Variants in TTF2 observed in about 807,000 individuals in gnomAD.
TTF2 encodes the protein transcription termination factor 2, also known as RNA polymerase II termination factor.
In TTF2, 108 loss-of-function variants were observed where a neutral mutation model predicts 142.4. That is an observed-to-expected ratio of 0.76 (90% CI 0.65 to 0.89). TTF2 has a LOEUF of 0.89. TTF2 is among the 40% of genes least tolerant of loss of function. The probability of loss-of-function intolerance (pLI) is 0.00; values close to 1 mark genes in which losing one functional copy is unlikely to be tolerated. For synonymous variants in TTF2, 483 were observed against 506.2 expected, an observed-to-expected ratio of 0.95 and a Z score of 0.61; for missense variants, 1,327 against 1,379.8, an observed-to-expected ratio of 0.96 and a Z score of 0.61.
Position 117,086,327 on chromosome 1 carries a change from T to C in TTF2, c.2055-90T>C. 1.1e-6 allele frequency: 1 copy of C among 873,230 alleles called. No homozygotes were observed. Among genetic ancestry groups the C allele is most frequent in the South Asian group, 1.5e-5 (1 of 66,320 alleles). 54.1% of individuals were successfully genotyped at this position (873,230 alleles called of 1,614,324 possible). A position where few individuals can be genotyped will look rare whatever the true frequency, so the allele number is the denominator to read the frequency against. On this transcript the variant is annotated intron_variant, in intron 11 of 22. Transcript: ENST00000369466. This position sits in a 1 kb window ranked among gnomAD's most constrained non-coding sequence, Gnocchi z 4.2. The stretch of plus-strand genomic sequence containing the variant: ...GTTCTGCTGTTTGTCCTTCCATTTG[T>C]AGGCATTTTTATTGAAAGATCAACT...
chr1:117,082,509 G>A (rs950255946), intron 10 of TTF2, among the ~76,000 whole-genome samples: 3 of 152,050 alleles, frequency 2.0e-5, no homozygotes, highest in African/African-American at 4.8e-5. Flanking sequence ...CACCATGCCT[G>A]GCCAATAATT....
chr1:117,067,482 A>C (rs1188943550), intron 3 of TTF2, among the ~76,000 whole-genome samples: 1 of 149,784 alleles, frequency 6.7e-6, no homozygotes, highest in East Asian at 2.0e-4. Context: ...CCAAGATCAC[A>C]TCATTACACT....
chr1:117,082,492 T>G (rs1449902985), intron 10 of TTF2, among the ~76,000 whole-genome samples: 1 of 152,154 alleles, frequency 6.6e-6, no homozygotes, highest in African/African-American at 2.4e-5. Flanking sequence ...GGATTATAGG[T>G]GTGACCCACC....
Position 117,101,305 on chromosome 1 carries a change from A to G in TTF2, c.3345-75A>G. On this transcript the variant is annotated intron_variant, in intron 22 of 22. Transcript: ENST00000369466. This position sits in a 1 kb window ranked among gnomAD's most constrained non-coding sequence, Gnocchi z 5.9. ...TCTCATTAAAAATGAAAGCATAATA[A>G]AAGTTTGAATATATTATTAGATGTG... The G allele has an allele frequency of 7.1e-7, 1 of 1,401,748 alleles. No homozygotes were observed. Among genetic ancestry groups the G allele is most frequent in the Non-Finnish European group, 9.5e-7 (1 of 1,050,846 alleles). The allele number at this position is 1,401,748 out of a possible 1,614,324, so 86.8% of individuals were successfully genotyped here.
intron 13 of TTF2, 116 bp downstream of exon 13, chr1:117,089,098 C>T: frequency 9.1e-7 from 1 of 1,096,170 alleles, no homozygotes. Flanking sequence ...TAGGAGATGG[C>T]AGGCCTGTCA....
rs144790742 is a variant in TTF2, at chr1:117,098,469, C to T, written c.3270-364C>T. 3.7e-3 allele frequency: 582 copies of T among 157,904 alleles called. 2 individuals carry two copies. Among genetic ancestry groups the T allele is most frequent in the African/African-American group, 0.013 (555 of 41,678 alleles). The allele number at this position is 157,904 out of a possible 1,614,324, so 9.8% of individuals were successfully genotyped here. A position where few individuals can be genotyped will look rare whatever the true frequency, so the allele number is the denominator to read the frequency against. On this transcript the variant is annotated intron_variant, in intron 21 of 22. Transcript: ENST00000369466. ...GACCAGACCTGAGTTTTGGTTTCAC[C>T]TCTGTTACTTAAGAGTTGTCAACTG...
At position 117,060,338 on chromosome 1, in the gene TTF2, C is replaced by A. The variant is rs2244501; in HGVS notation, c.-9C>A. 1,332,408 of 1,593,832 alleles carry A rather than the reference C, an allele frequency of 0.84. 563,510 individuals are homozygous for A. The highest frequency in any genetic ancestry group is 0.87 in the Admixed American group (48,775 of 56,188). ...GCGGGGCTTTGTGGAACTTGGGGGACCCAGCGAAATGGAAGAAGTTAGGTG... is the reference window on the plus strand; with the variant it reads ...GCGGGGCTTTGTGGAACTTGGGGGAACCAGCGAAATGGAAGAAGTTAGGTG... On this transcript the variant is annotated 5_prime_UTR_variant, in exon 1 of 23. Transcript: ENST00000369466.
chr1:117,073,745 G>A lies in TTF2; in HGVS notation c.285+18G>A, dbSNP rs1362012354. 1 of 1,610,110 alleles carries A rather than the reference G, an allele frequency of 6.2e-7. No individual in the cohort carries two copies. The highest frequency in any genetic ancestry group is 2.2e-5 in the East Asian group (1 of 44,808). On this transcript the variant is annotated intron_variant, in intron 4 of 22. Transcript: ENST00000369466. This position sits in a 1 kb window ranked among gnomAD's most constrained non-coding sequence, Gnocchi z 4.4. ...CATGGCAGGTAGGAATTATTCATCT[G>A]TTTTCAAACCTGCTGTGTTAAGACT...
At chr1:117,072,778 C>T (rs1656703466) in intron 3 of TTF2, among the ~76,000 whole-genome samples, 1 of 152,070 alleles carries the variant, frequency 6.6e-6, no homozygotes, top group Non-Finnish European at 1.5e-5. Context: ...GGGAGTCTTG[C>T]TGTGTTGCCC....
At chr1:117,068,936 A>T (rs987085437) in intron 3 of TTF2, among the ~76,000 whole-genome samples, 16 of 152,338 alleles carry the variant, frequency 1.1e-4, no homozygotes, top group African/African-American at 3.8e-4. Flanking sequence ...TTTTTGTCTT[A>T]CAATTTTGCT....
chr1:117,097,517 A>T lies in TTF2; in HGVS notation c.3269+84A>T. ...CAGGGGCAGCAAGAACTGACTTCTT[A>T]TGTTGATTGCTGTGTTCGTATTGCA... On this transcript the variant is annotated intron_variant, in intron 21 of 22. Transcript: ENST00000369466. This position sits in a 1 kb window ranked among gnomAD's most constrained non-coding sequence, Gnocchi z 4.1. The T allele has an allele frequency of 8.2e-7, 1 of 1,217,614 alleles. No individual in the cohort carries two copies. The highest frequency in any genetic ancestry group is 1.2e-6 in the Non-Finnish European group (1 of 819,102). The allele number at this position is 1,217,614 out of a possible 1,614,324, so 75.4% of individuals were successfully genotyped here.
At chr1:117,095,607 A>G (rs1461176864) in intron 19 of TTF2, among the ~76,000 whole-genome samples, 1 of 151,472 alleles carries the variant, frequency 6.6e-6, no homozygotes, top group Non-Finnish European at 1.5e-5. Flanking sequence ...AAGCATATAA[A>G]GAAAAGCAAG....
chr1:117,075,663 T>G lies in TTF2; in HGVS notation c.1079T>G (p.Val360Gly). The G allele has an allele frequency of 6.2e-7, 1 of 1,614,148 alleles. No homozygotes were observed. Among genetic ancestry groups the G allele is most frequent in the East Asian group, 2.2e-5 (1 of 44,866 alleles). ...SSDDEEEDDV[V>G]FVSSKPGSPL... ...GACGACGAGGAGGAAGATGATGTTG[T>G]TTTTGTTTCCTCTAAGCCTGGGAGC... Residue 360 changes from valine to glycine, a missense_variant, in exon 5 of 23, where the codon GTT (valine) becomes GGT (glycine). Transcript: ENST00000369466. The surrounding 1 kb of genome is among the most constrained non-coding windows in gnomAD (Gnocchi z 4.5).
At position 117,103,821 on chromosome 1, in the gene TTF2, C is replaced by T. The variant is rs944129567; in HGVS notation, c.*2297C>T. 2 of 152,442 alleles carry T rather than the reference C, an allele frequency of 1.3e-5. No homozygotes were observed. The highest frequency in any genetic ancestry group is 1.5e-5 in the Non-Finnish European group (1 of 68,290). 9.4% of individuals were successfully genotyped at this position (152,442 alleles called of 1,614,324 possible). A position where few individuals can be genotyped will look rare whatever the true frequency, so the allele number is the denominator to read the frequency against. On this transcript the variant is annotated 3_prime_UTR_variant, in exon 23 of 23. Transcript: ENST00000369466. Reference sequence around the variant, plus strand: ...TACAAAAATTAGCTGAGCGTGGTGGCGTGCGCCTGTAGTCCCAGCTACTGG... The same window carrying T: ...TACAAAAATTAGCTGAGCGTGGTGGTGTGCGCCTGTAGTCCCAGCTACTGG...
intron 20 of TTF2, among the ~76,000 whole-genome samples, chr1:117,096,784 A>G (rs763156875): frequency 2.0e-5 from 3 of 152,270 alleles, no homozygotes; most frequent in Non-Finnish European, 4.4e-5. Flanking sequence ...AAAGAGCACA[A>G]ATATTCTAAA....
At chr1:117,062,321 T>A in intron 2 of TTF2, 66 bp from the exon 3 acceptor site, 1 of 1,470,774 alleles carries the variant, frequency 6.8e-7, no homozygotes, top group Non-Finnish European at 9.4e-7. Flanking sequence ...TAGTTTTGAT[T>A]TGACTTTAGG....
chr1:117,072,494 G>A (rs891988097), intron 3 of TTF2, among the ~76,000 whole-genome samples: 1 of 137,440 alleles, frequency 7.3e-6, no homozygotes, highest in Non-Finnish European at 1.5e-5. Context: ...GTGCAATCTC[G>A]GCTCACTGCA....
rs995956804 is a variant in TTF2 at position 117,101,708 on chromosome 1, A to G, written c.*184A>G. 2.0e-5 allele frequency: 10 copies of G among 505,030 alleles called. No homozygotes were observed. In the South Asian group the frequency reaches 6.1e-4, roughly 31 times the overall value. The allele number at this position is 505,030 out of a possible 1,614,324, so 31.3% of individuals were successfully genotyped here. On this transcript the variant is annotated 3_prime_UTR_variant, in exon 23 of 23. Coordinates refer to ENST00000369466, the MANE Select transcript of TTF2 (RefSeq NM_003594.4). The surrounding 1 kb of genome is among the most constrained non-coding windows in gnomAD (Gnocchi z 5.9). ...AATTGAGGAGGGGTTGTGTTAACCA[A>G]TTAGTTAACCAATTATGTTAATAAT... is the stretch of plus-strand genomic sequence containing the variant.
Position 117,073,717 on chromosome 1 carries a change from T to G in TTF2, c.275T>G (p.Ile92Ser), listed in dbSNP as rs150881905. The change falls in exon 4 of 23, where the codon ATT (isoleucine) becomes AGT (serine). Residue 92 changes from isoleucine to serine, a missense_variant. Physicochemically the swap from Ile to Ser is moderately radical, Grantham distance 142. Transcript: ENST00000369466. The surrounding 1 kb of genome is among the most constrained non-coding windows in gnomAD (Gnocchi z 4.4). ...GAGGGGAAACGCTGGTGTGGAAGTA[T>G]TCCATGGCAGGTAGGAATTATTCAT... is the stretch of plus-strand genomic sequence containing the variant. ...KAEGKRWCGSIPWQDPDSKEH... is the reference protein window; with the variant it reads ...KAEGKRWCGSSPWQDPDSKEH... 5 of 1,612,302 alleles carry G rather than the reference T, an allele frequency of 3.1e-6. No homozygotes were observed. In the South Asian group the frequency reaches 5.5e-5, roughly 18 times the overall value.
Sources: gnomAD v4.1 joint callset for allele counts (sites outside exome capture counted in the v4.1 genomes callset) on GRCh38, gnomAD v4.1.1 for gene constraint, Gnocchi (gnomAD v3.1) non-coding constraint, MANE v1.5 for transcripts, NCBI Gene and HGNC (gene_info 2026-07-23, HGNC 2026-07-21) for gene names.